Variants in ROBO1 observed in about 807,000 individuals in gnomAD.
The protein encoded by ROBO1 is roundabout guidance receptor 1, also known as roundabout homolog 1.
In ROBO1, 149 loss-of-function variants were observed where a neutral mutation model predicts 195.9. That is an observed-to-expected ratio of 0.76 (90% confidence interval 0.67 to 0.87). The LOEUF is 0.87. ROBO1 is among the 40% of genes least tolerant of loss of function. ROBO1 has a pLI of 0.00. For synonymous variants in ROBO1, 816 were observed against 733.2 expected (o/e 1.11, Z -1.82); for missense variants, 1,933 against 2,068.3 (o/e 0.93, Z 1.27).
At chr3:79,735,237 T>G (rs77872052) in intron 1 of ROBO1, among the ~76,000 whole-genome samples, 3,711 of 152,272 alleles carry the variant, frequency 0.024, 145 homozygotes, top group African/African-American at 0.085. Flanking sequence ...GTCTCTAATA[T>G]CTCAAGAATT....
rs540593050 is a variant in ROBO1, at chr3:78,884,057, A to C, written c.499+54544T>G. ...GGAGAATGCAGATAAAAGGAAAGGC[A>C]AAGGTGAGCTCATAAGGGACTTTTC... On this transcript the variant is annotated intron_variant, in intron 4 of 30. Coordinates refer to ENST00000464233, the MANE Select transcript of ROBO1 (RefSeq NM_002941.4). 2.5e-4 allele frequency among the ~76,000 whole-genome samples: 38 copies of C among 152,310 alleles called. No homozygotes were observed. The South Asian group carries it at 7.9e-3, about 32-fold the overall frequency.
intron 2 of ROBO1, among the ~76,000 whole-genome samples, chr3:79,433,947 C>T (rs1283802315): frequency 6.6e-6 from 1 of 151,832 alleles, no homozygotes; most frequent in Non-Finnish European, 1.5e-5. Context: ...TGATCTTTGA[C>T]AAAAACAAGA....
chr3:79,149,206 A>C (rs2080714673), intron 2 of ROBO1, among the ~76,000 whole-genome samples: 1 of 151,956 alleles, frequency 6.6e-6, no homozygotes, highest in African/African-American at 2.4e-5. Context: ...GTTTATTATA[A>C]ACTGTCCATT....
At chr3:79,058,508 T>C (rs1328349364) in intron 3 of ROBO1, among the ~76,000 whole-genome samples, 3 of 152,046 alleles carry the variant, frequency 2.0e-5, no homozygotes, top group Admixed American at 1.3e-4. Context: ...AACTTTTCTG[T>C]CTATTGTCCC....
intron 2 of ROBO1, among the ~76,000 whole-genome samples, chr3:79,584,648 C>CAT (rs1943769278): frequency 1.0e-5 from 1 of 98,258 alleles, no homozygotes; most frequent in African/African-American, 6.7e-5. Context: ...TATGTTCATA[C>CAT]ACACACACAC....
At chr3:78,846,967 CT>C (rs1449304991) in intron 4 of ROBO1, among the ~76,000 whole-genome samples, 2 of 152,098 alleles carry the variant, frequency 1.3e-5, no homozygotes, top group East Asian at 3.9e-4. Flanking sequence ...AACACAGCTG[CT>C]ACAGCTGGCC....
intron 1 of ROBO1, among the ~76,000 whole-genome samples, chr3:79,716,412 G>A (rs1242461874): frequency 6.6e-6 from 1 of 151,900 alleles, no homozygotes; most frequent in Non-Finnish European, 1.5e-5. Flanking sequence ...AAATCCCAAA[G>A]ATTAGTTTTC....
At chr3:78,753,432 G>A (rs1013845642) in intron 4 of ROBO1, among the ~76,000 whole-genome samples, 1 of 152,140 alleles carries the variant, frequency 6.6e-6, no homozygotes, top group Non-Finnish European at 1.5e-5. Context: ...AAGTCTTCAG[G>A]ACAAAGAGAA....
intron 3 of ROBO1, among the ~76,000 whole-genome samples, chr3:78,961,328 C>T (rs72910207): frequency 0.016 from 2,448 of 152,258 alleles, 72 homozygotes; most frequent in African/African-American, 0.056. Flanking sequence ...CAAGATGACA[C>T]TACTACCTTG....
At chr3:79,127,763 G>T (rs1006915318) in intron 2 of ROBO1, among the ~76,000 whole-genome samples, 1 of 152,134 alleles carries the variant, frequency 6.6e-6, no homozygotes, top group Non-Finnish European at 1.5e-5. Context: ...ATATAAAACA[G>T]ATTTCCACCT....
intron 1 of ROBO1, among the ~76,000 whole-genome samples, chr3:79,661,438 T>C (rs886625595): frequency 7.9e-5 from 12 of 152,114 alleles, no homozygotes; most frequent in African/African-American, 2.9e-4. Flanking sequence ...CTAAAGTGTT[T>C]TTGTATGATT....
chr3:78,821,024 T>C (rs938146523), intron 4 of ROBO1, among the ~76,000 whole-genome samples: 1 of 152,230 alleles, frequency 6.6e-6, no homozygotes, highest in Admixed American at 6.5e-5. Flanking sequence ...GCCAGTTAGT[T>C]CATTTCTCCT....
At chr3:78,939,029 A>G (rs2107687680) in intron 3 of ROBO1, 102 bp from the exon 4 acceptor site, 1 of 1,017,676 alleles carries the variant, frequency 9.8e-7, no homozygotes, top group Non-Finnish European at 1.4e-6. Flanking sequence ...ACACTGCATA[A>G]CATTGGCCTA....
Position 79,571,909 on chromosome 3 carries a change from G to A in ROBO1, c.88+17915C>T, listed in dbSNP as rs184817023. On this transcript the variant is annotated intron_variant, in intron 2 of 30. Coordinates refer to ENST00000464233, the MANE Select transcript of ROBO1 (RefSeq NM_002941.4). The stretch of plus-strand genomic sequence containing the variant: ...ATGTTCTCTTCTGGCCTTTTGTAAT[G>A]ATTTCAGAGACTAAATTGCTCAATA... Among the ~76,000 whole-genome samples, 511 of 151,746 alleles carry A rather than the reference G, an allele frequency of 3.4e-3. 3 individuals carry two copies. The highest frequency in any genetic ancestry group is 6.2e-3 in the Non-Finnish European group (420 of 67,880).
chr3:79,424,977 G>A (rs2038387968), intron 2 of ROBO1, among the ~76,000 whole-genome samples: 1 of 152,146 alleles, frequency 6.6e-6, no homozygotes, highest in Non-Finnish European at 1.5e-5. Context: ...CTGAGGCTGA[G>A]AACAGTAGAA....
intron 2 of ROBO1, among the ~76,000 whole-genome samples, chr3:79,470,053 C>T (rs1422726370): frequency 1.3e-5 from 2 of 152,126 alleles, no homozygotes; most frequent in Admixed American, 6.6e-5. Context: ...ATGTACACAA[C>T]GTGCAGGTTT....
At chr3:78,960,776 T>TAAAACACACACACA (rs2041292748) in intron 3 of ROBO1, among the ~76,000 whole-genome samples, 2 of 102,304 alleles carry the variant, frequency 2.0e-5, no homozygotes, top group African/African-American at 7.9e-5. Flanking sequence ...GACTCCGTAT[T>TAAAACACACACACA]AAAACACACA....
At chr3:79,545,979 A>G (rs1942248738) in intron 2 of ROBO1, among the ~76,000 whole-genome samples, 1 of 152,074 alleles carries the variant, frequency 6.6e-6, no homozygotes, top group Admixed American at 6.5e-5. Context: ...CATCCTTGAG[A>G]GAGCAAGACC....
intron 2 of ROBO1, among the ~76,000 whole-genome samples, chr3:79,312,130 A>G (rs1175524054): frequency 6.6e-6 from 1 of 152,202 alleles, no homozygotes; most frequent in Non-Finnish European, 1.5e-5. Flanking sequence ...TTTACAAAAT[A>G]TTTCTCAAAT....
Sources: allele counts gnomAD v4.1 joint callset (sites outside exome capture counted in the v4.1 genomes callset), GRCh38; gene constraint gnomAD v4.1.1; transcripts MANE v1.5; gene names NCBI Gene and HGNC (gene_info 2026-07-23, HGNC 2026-07-21).